RFC5: variants seen among roughly 807,000 people sequenced by gnomAD.
The protein encoded by RFC5 is replication factor C subunit 5.
A neutral mutation model predicts 44.3 loss-of-function variants in RFC5; 26 were observed. The observed-to-expected ratio is 0.59, with a 90% confidence interval of 0.43 to 0.81. RFC5 has a LOEUF of 0.81. Ranked by LOEUF, RFC5 falls within the 40% of genes least tolerant of loss-of-function variation. RFC5 has a pLI of 0.00. For missense variants in RFC5, 328 were observed against 418.6 expected (o/e 0.78, Z 1.89); for synonymous variants, 155 against 155.2 (o/e 1.00, Z 0.01).
rs548489165 is a variant in RFC5 at position 118,022,907 on chromosome 12, G to A, written c.421+548G>A. ...GACACAGGCTAGATACCTCTGTAGC[G>A]GGACTTCCCCTTCAGCAGCCTAGGG... On this transcript the variant is annotated intron_variant, in intron 5 of 10. Coordinates refer to ENST00000454402, the MANE Select transcript of RFC5 (RefSeq NM_007370.7). Among the ~76,000 whole-genome samples, 4 of 152,222 alleles carry A rather than the reference G, an allele frequency of 2.6e-5. No individual in the cohort carries two copies. In the South Asian group the frequency reaches 6.2e-4, roughly 24 times the overall value.
intron 1 of RFC5, among the ~76,000 whole-genome samples, chr12:118,018,854 A>G (rs2030288666): frequency 1.3e-5 from 2 of 152,040 alleles, no homozygotes; most frequent in African/African-American, 4.8e-5. Context: ...TTCTATCCTT[A>G]CAAAGACCCT....
the RFC5 span, chr12:118,038,366 C>G: frequency 1.7e-5 from 28 of 1,613,914 alleles, no homozygotes; most frequent in Non-Finnish European, 2.4e-5. Flanking sequence ...GCAGGTGGCC[C>G]GATAACACTT....
At chr12:118,036,577 G>A (rs2031516603), downstream of RFC5, 51 of 1,496,948 alleles carry the variant, frequency 3.4e-5, no homozygotes, top group Non-Finnish European at 4.3e-5. Context: ...CGGAGGGAGG[G>A]AAAGGTACCA....
chr12:118,034,583 G>GCTCTCTCTCTCTCTCTC (rs1555267406), downstream of RFC5: 81 of 538,240 alleles, frequency 1.5e-4, no homozygotes, highest in Admixed American at 2.3e-3. Flanking sequence ...CGCTCTCTCT[G>GCTCTCTCTCTCTCTCTC]TCTCTCTCTC....
Position 118,031,329 on chromosome 12 carries a change from C to A in RFC5, c.*51C>A. 2 of 1,251,976 alleles carry A rather than the reference C, an allele frequency of 1.6e-6. No homozygotes were observed. Among genetic ancestry groups the A allele is most frequent in the South Asian group, 1.2e-5 (1 of 81,606 alleles). The allele number at this position is 1,251,976 out of a possible 1,614,324, so 77.6% of individuals were successfully genotyped here. A position where few individuals can be genotyped will look rare whatever the true frequency, so the allele number is the denominator to read the frequency against. On this transcript the variant is annotated 3_prime_UTR_variant, in exon 11 of 11. Coordinates refer to ENST00000454402, the MANE Select transcript of RFC5 (RefSeq NM_007370.7). ...TCAGGGCTCAGCAGTGATGGGAGAACAGAGGACAGTTCCAGGATAAACTGC... is the reference window on the plus strand; with the variant it reads ...TCAGGGCTCAGCAGTGATGGGAGAAAAGAGGACAGTTCCAGGATAAACTGC...
At chr12:118,017,995 C>G (rs1279152975) in intron 1 of RFC5, 9 of 700,768 alleles carry the variant, frequency 1.3e-5, no homozygotes, top group Non-Finnish European at 2.1e-5. Context: ...CTTCCTCTAG[C>G]CCCTGGCAAC....
chr12:118,033,163 A>G (rs1366985212), downstream of RFC5: 3 of 152,200 alleles, frequency 2.0e-5, no homozygotes, highest in African/African-American at 7.2e-5. Flanking sequence ...TGATTAGATA[A>G]CTACATGCCA....
chr12:118,019,680 G>A lies in RFC5; in HGVS notation c.179G>A (p.Gly60Asp), dbSNP rs750235365. The A allele has an allele frequency of 6.2e-7, 1 of 1,613,914 alleles. No individual in the cohort carries two copies. Among genetic ancestry groups the A allele is most frequent in the Non-Finnish European group, 8.5e-7 (1 of 1,179,902 alleles). The change falls in exon 3 of 11, where the codon GGT becomes GAT. Residue 60 changes from glycine to aspartate, a missense_variant. Gly to Asp is a moderately conservative substitution (Grantham distance 94). Transcript: ENST00000454402. This position sits in a 1 kb window ranked among gnomAD's most constrained non-coding sequence, Gnocchi z 4.2. The stretch of plus-strand genomic sequence containing the variant: ...CGACTGCCACACTTGCTTCTCTACG[G>A]TCCCCCAGGGACAGGCAAGACATCT... ...EDRLPHLLLY[G>D]PPGTGKTSTI...
chr12:118,018,438 C>A (rs977350535), intron 1 of RFC5, among the ~76,000 whole-genome samples: 2 of 152,162 alleles, frequency 1.3e-5, no homozygotes, highest in Non-Finnish European at 2.9e-5. Context: ...GGAGACTACA[C>A]ACTGAGTGCC....
downstream of RFC5, chr12:118,038,033 G>C (rs2031551932): frequency 5.6e-6 from 2 of 357,170 alleles, no homozygotes. Flanking sequence ...AATTTAAAAA[G>C]CAATTGTTTT....
the RFC5 span, among the ~76,000 whole-genome samples, chr12:118,039,460 TCAAA>T: frequency 3.3e-5 from 5 of 152,120 alleles, no homozygotes; most frequent in African/African-American, 1.2e-4. Flanking sequence ...TCCATTTTTG[TCAAA>T]CAATGACCCA....
chr12:118,018,689 A>G (rs899898162), intron 1 of RFC5, among the ~76,000 whole-genome samples: 1 of 152,010 alleles, frequency 6.6e-6, no homozygotes, highest in African/African-American at 2.4e-5. Flanking sequence ...GGTTCACTGC[A>G]ACCTCCGCCT....
chr12:118,029,663 T>C, intron 9 of RFC5, 108 bp from the exon 10 acceptor site: 1 of 805,766 alleles, frequency 1.2e-6, no homozygotes, highest in Non-Finnish European at 2.3e-6. Context: ...GGCTGAGGCC[T>C]CAGGACTAGT....
chr12:118,033,821 A>C, downstream of RFC5: 1 of 244,952 alleles, frequency 4.1e-6, no homozygotes, highest in Non-Finnish European at 8.1e-6. Context: ...CAGCGGAGGG[A>C]GTGTGAGCTG....
intron 5 of RFC5, among the ~76,000 whole-genome samples, chr12:118,022,761 G>A (rs1882967482): frequency 6.6e-6 from 1 of 152,074 alleles, no homozygotes; most frequent in Admixed American, 6.6e-5. Flanking sequence ...GGAACTTTAA[G>A]CTTCCCAAAG....
chr12:118,017,201 G>A (rs535127201), intron 1 of RFC5, among the ~76,000 whole-genome samples: 1 of 152,324 alleles, frequency 6.6e-6, no homozygotes, highest in East Asian at 1.9e-4. Flanking sequence ...GCCTGCAATG[G>A]CCTCCATGCC....
downstream of RFC5, chr12:118,033,188 T>C (rs949857963): frequency 6.6e-6 from 1 of 152,240 alleles, no homozygotes; most frequent in African/African-American, 2.4e-5. Flanking sequence ...AGGAGAACAG[T>C]ACTTTTAAGG....
chr12:118,022,400 A>G (rs1209939274), intron 5 of RFC5, 41 bp downstream of exon 5: 2 of 1,337,056 alleles, frequency 1.5e-6, no homozygotes, highest in African/African-American at 2.9e-5. Context: ...TGGTGTGCAC[A>G]CTGGAAGGAG....
rs370871299 is a variant in RFC5, at chr12:118,024,880, T to C, written c.451T>C (p.Phe151Leu). 1.2e-6 allele frequency: 2 copies of C among 1,612,836 alleles called. No individual in the cohort carries two copies. The highest frequency in any genetic ancestry group is 1.3e-5 in the African/African-American group (1 of 74,998). ...TGAGAAATTCACAGAAAATACCAGA[T>C]TCTGCCTCATCTGTAACTATCTGTC... is the stretch of plus-strand genomic sequence containing the variant. Reference protein sequence around the residue: ...VIEKFTENTRFCLICNYLSKI... With the variant: ...VIEKFTENTRLCLICNYLSKI... Residue 151 changes from phenylalanine to leucine, a missense_variant, in exon 6 of 11, where the codon TTC becomes CTC. By Grantham distance (22) the Phe-to-Leu change is conservative (BLOSUM62 0). Transcript: ENST00000454402.
Sources: allele counts gnomAD v4.1 joint callset (sites outside exome capture counted in the v4.1 genomes callset), GRCh38; gene constraint gnomAD v4.1.1; non-coding constraint Gnocchi (gnomAD v3.1); transcripts MANE v1.5; gene names NCBI Gene and HGNC (gene_info 2026-07-23, HGNC 2026-07-21).